ADARB2: variants seen among roughly 807,000 people sequenced by gnomAD.
The protein encoded by ADARB2 is inactive double-stranded RNA-specific editase B2.
Under a neutral mutation model 62.2 loss-of-function variants are expected in ADARB2, and 25 were observed. The ratio of observed to expected loss-of-function variants is 0.40; its 90% CI spans 0.29 to 0.56. The LOEUF (loss-of-function observed/expected upper bound fraction) is 0.56, where lower values mean the gene tolerates loss of function less well. Among genes scored for constraint, ADARB2 ranks in the 20% least tolerant of loss-of-function variants. The probability of loss-of-function intolerance (pLI) is 0.43; values close to 1 mark genes in which losing one functional copy is unlikely to be tolerated. For synonymous variants in ADARB2, 572 were observed against 500.8 expected (o/e 1.14, Z -1.90); for missense variants, 1,071 against 1,077.4 (o/e 0.99, Z 0.08).
intron 6 of ADARB2, among the ~76,000 whole-genome samples, chr10:1,230,734 A>G (rs1432014239): frequency 1.3e-5 from 2 of 152,136 alleles, no homozygotes; most frequent in African/African-American, 4.8e-5. Context: ...AGTCCCTGTT[A>G]TAGGAGAGTT....
rs924068385 is a variant in ADARB2, at chr10:1,477,562, G to A, written c.101-98402C>T. Among the ~76,000 whole-genome samples, 34 of 152,104 alleles carry A rather than the reference G, an allele frequency of 2.2e-4. No individual in the cohort carries two copies. Among genetic ancestry groups the A allele is most frequent in the African/African-American group, 6.7e-4 (28 of 41,492 alleles). On this transcript the variant is annotated intron_variant, in intron 1 of 9. Coordinates refer to ENST00000381312, the MANE Select transcript of ADARB2 (RefSeq NM_018702.4). This position sits in a 1 kb window ranked among gnomAD's most constrained non-coding sequence, Gnocchi z 4.5. ...GTCTTGGTAAATTCTTTTACCACCCGTGACACCAGCCCCAGCCATTGCACC... is the reference window on the plus strand; with the variant it reads ...GTCTTGGTAAATTCTTTTACCACCCATGACACCAGCCCCAGCCATTGCACC...
intron 7 of ADARB2, among the ~76,000 whole-genome samples, chr10:1,205,995 CGCTGGGGTCAGGTGGTTCACGGGGCA>C (rs1343389071): frequency 2.0e-5 from 3 of 149,422 alleles, no homozygotes; most frequent in South Asian, 4.2e-4. Context: ...CGGGGCAGCC[CGCTGGGGTCAGGTGGTTCACGGGGCA>C]GCTGGGCTCA....
At chr10:1,722,494 A>G (rs1835105326) in intron 1 of ADARB2, among the ~76,000 whole-genome samples, 1 of 152,244 alleles carries the variant, frequency 6.6e-6, no homozygotes, top group Non-Finnish European at 1.5e-5. Flanking sequence ...GTAGGTCCTC[A>G]TTGTAAATCT....
intron 1 of ADARB2, among the ~76,000 whole-genome samples, chr10:1,381,496 G>A (rs145982833): frequency 5.2e-4 from 79 of 152,328 alleles, no homozygotes; most frequent in African/African-American, 1.6e-3. Context: ...GCCTGCTGGC[G>A]GGTCAATGCC....
At chr10:1,563,321 A>G (rs537857814) in intron 1 of ADARB2, among the ~76,000 whole-genome samples, 35 of 151,876 alleles carry the variant, frequency 2.3e-4, no homozygotes, top group African/African-American at 8.2e-4. Flanking sequence ...TCCCCACAAG[A>G]TCTCCCACAC....
intron 1 of ADARB2, among the ~76,000 whole-genome samples, chr10:1,422,403 G>A (rs978002521): frequency 5.3e-5 from 8 of 152,302 alleles, no homozygotes; most frequent in South Asian, 2.1e-4. Context: ...CCAGACCAGC[G>A]GCTCACGCTT....
chr10:1,453,939 A>C (rs1023884557), intron 1 of ADARB2, among the ~76,000 whole-genome samples: 1 of 152,244 alleles, frequency 6.6e-6, no homozygotes, highest in Non-Finnish European at 1.5e-5. Flanking sequence ...AGAAAATTAA[A>C]AATAAAATTG....
chr10:1,696,567 A>G (rs1834748849), intron 1 of ADARB2, among the ~76,000 whole-genome samples: 1 of 152,166 alleles, frequency 6.6e-6, no homozygotes. Context: ...AGGGTATGTT[A>G]TCAGAGGTGG....
At chr10:1,677,424 G>C (rs910279218) in intron 1 of ADARB2, among the ~76,000 whole-genome samples, 13 of 152,190 alleles carry the variant, frequency 8.5e-5, no homozygotes, top group African/African-American at 2.9e-4. Flanking sequence ...CTGCCTGGTT[G>C]GGCGGAGGTG....
chr10:1,240,368 T>A (rs1399645047), intron 5 of ADARB2: 1 of 147,214 alleles, frequency 6.8e-6, no homozygotes, highest in Non-Finnish European at 1.5e-5. Context: ...TTTACTCCCC[T>A]GCTTCCTGGC....
At chr10:1,423,492 G>T (rs1430329060) in intron 1 of ADARB2, among the ~76,000 whole-genome samples, 1 of 145,008 alleles carries the variant, frequency 6.9e-6, no homozygotes, top group African/African-American at 2.6e-5. Context: ...GGACTCAAAG[G>T]TTCTAGGGGA....
At chr10:1,400,992 C>A (rs1032795246) in intron 1 of ADARB2, among the ~76,000 whole-genome samples, 23 of 152,174 alleles carry the variant, frequency 1.5e-4, no homozygotes, top group Non-Finnish European at 3.1e-4. Context: ...TCCACCGGAA[C>A]CTTAACCGCT....
In ADARB2 at chr10:1,477,954, G is replaced by A. The variant is rs899019408; in HGVS notation, c.101-98794C>T. ...GCTGGAGGACTAAGAGGGTCCATGT[G>A]GGATCCTGTGATGCCCAGGTAAACT... On this transcript the variant is annotated intron_variant, in intron 1 of 9. Transcript: ENST00000381312. The surrounding 1 kb of genome is among the most constrained non-coding windows in gnomAD (Gnocchi z 4.5). Among the ~76,000 whole-genome samples, 1 of 152,184 alleles carries A rather than the reference G, an allele frequency of 6.6e-6. No homozygotes were observed. The highest frequency in any genetic ancestry group is 2.4e-5 in the African/African-American group (1 of 41,446).
At chr10:1,338,005 T>C (rs1442571030) in intron 3 of ADARB2, among the ~76,000 whole-genome samples, 1 of 152,202 alleles carries the variant, frequency 6.6e-6, no homozygotes, top group African/African-American at 2.4e-5. Context: ...TTTAATACTG[T>C]CATGGTGCTT....
chr10:1,182,894 C>A lies in ADARB2; in HGVS notation c.*299G>T. The A allele has an allele frequency of 3.1e-6, 1 of 323,384 alleles. No homozygotes were observed. The highest frequency in any genetic ancestry group is 5.8e-6 in the Non-Finnish European group (1 of 173,052). The allele number at this position is 323,384 out of a possible 1,614,324, so 20.0% of individuals were successfully genotyped here. On this transcript the variant is annotated 3_prime_UTR_variant, in exon 10 of 10. Transcript: ENST00000381312. The stretch of plus-strand genomic sequence containing the variant: ...GTGTCGGTGCCTCCTTCCAAGGCTG[C>A]AGCTAAAACCCCTTTGCCTGAATGG...
chr10:1,262,564 A>G (rs1831152310), intron 4 of ADARB2, among the ~76,000 whole-genome samples: 1 of 151,776 alleles, frequency 6.6e-6, no homozygotes, highest in Non-Finnish European at 1.5e-5. Context: ...TCAGAGAAAT[A>G]CAAATCAAAA....
chr10:1,183,173 A>G lies in ADARB2; in HGVS notation c.*20T>C. 1 of 1,609,394 alleles carries G rather than the reference A, an allele frequency of 6.2e-7. No individual in the cohort carries two copies. Among genetic ancestry groups the G allele is most frequent in the Non-Finnish European group, 8.5e-7 (1 of 1,177,756 alleles). On this transcript the variant is annotated 3_prime_UTR_variant, in exon 10 of 10. Coordinates refer to ENST00000381312, the MANE Select transcript of ADARB2 (RefSeq NM_018702.4). ...TCCCTCCAGCGTCCCGCTCAGCTCC[A>G]GCAGCCAGGAGCCCGCAGCCTAGAG...
chr10:1,547,182 C>T (rs533485129), intron 1 of ADARB2, among the ~76,000 whole-genome samples: 5 of 151,596 alleles, frequency 3.3e-5, no homozygotes, highest in East Asian at 1.9e-4. Context: ...AGAGATGCTG[C>T]GCAGGTGTAT....
intron 1 of ADARB2, among the ~76,000 whole-genome samples, chr10:1,702,076 T>C (rs1252109760): frequency 6.6e-6 from 1 of 152,260 alleles, no homozygotes; most frequent in African/African-American, 2.4e-5. Context: ...GAAGCCCTGA[T>C]TGGCCATTCC....
Sources: allele counts gnomAD v4.1 joint callset (sites outside exome capture counted in the v4.1 genomes callset), GRCh38; gene constraint gnomAD v4.1.1; non-coding constraint Gnocchi (gnomAD v3.1); transcripts MANE v1.5; gene names NCBI Gene and HGNC (gene_info 2026-07-23, HGNC 2026-07-21).